The following ETFDH variants were observed in gnomAD, a reference collection of about 807,000 sequenced individuals.
ETFDH encodes electron transfer flavoprotein-ubiquinone oxidoreductase, mitochondrial.
Under a neutral mutation model 73.2 loss-of-function variants are expected in ETFDH, and 61 were observed. That is an observed-to-expected ratio of 0.83 (90% CI 0.68 to 1.03). The LOEUF (loss-of-function observed/expected upper bound fraction) is 1.03. ETFDH is among the 50% of genes least tolerant of loss of function. The probability of loss-of-function intolerance (pLI) is 0.00; values close to 1 mark genes in which losing one functional copy is unlikely to be tolerated. For synonymous variants in ETFDH, 243 were observed against 253.3 expected (o/e 0.96, Z 0.39); for missense variants, 685 against 745.0 (o/e 0.92, Z 0.94).
Position 158,706,711 on chromosome 4 carries a change from C to T in ETFDH, c.1551C>T (p.Asp517=). ...AACCCGATGGACAGATCAGTTTTGA[C>T]CTCTTGTCATCTGTGGCTCTGAGTG... is the stretch of plus-strand genomic sequence containing the variant. ...YPKPDGQISF[D]LLSSVALSGT... is the part of the protein sequence containing the mutation. The change falls in exon 12 of 13, where the codon GAC becomes GAT. Residue 517 remains aspartate, a synonymous_variant. Coordinates refer to ENST00000511912, the MANE Select transcript of ETFDH (RefSeq NM_004453.4). The T allele has an allele frequency of 1.9e-6, 3 of 1,614,004 alleles. No individual in the cohort carries two copies. The highest frequency in any genetic ancestry group is 2.5e-6 in the Non-Finnish European group (3 of 1,179,898).
chr4:158,684,546 T>G, intron 3 of ETFDH, 46 bp from the exon 4 acceptor site: 1 of 1,091,232 alleles, frequency 9.2e-7, no homozygotes, highest in Non-Finnish European at 1.4e-6. Context: ...TATTTACACT[T>G]GCAAATATAA....
At chr4:158,703,142 ATT>A (rs1423982670) in intron 9 of ETFDH, among the ~76,000 whole-genome samples, 4 of 152,316 alleles carry the variant, frequency 2.6e-5, no homozygotes, top group Non-Finnish European at 1.5e-5. Flanking sequence ...TTTAAAACAT[ATT>A]GATGCTTCAG....
rs1580420539 is a variant in ETFDH at position 158,704,297 on chromosome 4, A to T, written c.1285+706A>T. 2.6e-5 allele frequency among the ~76,000 whole-genome samples: 4 copies of T among 152,240 alleles called. No individual in the cohort carries two copies. The East Asian group carries it at 7.7e-4, about 29-fold the overall frequency. Reference sequence around the variant, plus strand: ...ATTCTTTAGCAAGCTTTGTAAGTATAGGCCTATGACTCTTCTGCTGTGGTG... The same window carrying T: ...ATTCTTTAGCAAGCTTTGTAAGTATTGGCCTATGACTCTTCTGCTGTGGTG... On this transcript the variant is annotated intron_variant, in intron 10 of 12. Transcript: ENST00000511912.
At chr4:158,694,685 CACTA>C (rs1188744559) in intron 6 of ETFDH, among the ~76,000 whole-genome samples, 1 of 152,042 alleles carries the variant, frequency 6.6e-6, no homozygotes, top group African/African-American at 2.4e-5. Flanking sequence ...TTATATCTGT[CACTA>C]ACTGTACTAT....
At chr4:158,695,348 A>G (rs137965191) in intron 6 of ETFDH, 149 bp from the exon 7 acceptor site, 5 of 565,462 alleles carry the variant, frequency 8.8e-6, no homozygotes, top group African/African-American at 5.7e-5. Context: ...GATTCTATAT[A>G]TTATATATTT....
chr4:158,698,880 G>T, intron 8 of ETFDH, 107 bp from the exon 9 acceptor site: 2 of 779,656 alleles, frequency 2.6e-6, no homozygotes. Flanking sequence ...ATACTTTTGA[G>T]TAAAAGAAAT....
chr4:158,690,572 T>C, intron 6 of ETFDH, 147 bp downstream of exon 6: 1 of 683,306 alleles, frequency 1.5e-6, no homozygotes. Context: ...CTAGCTACTT[T>C]GGAGGCTGAA....
Position 158,706,645 on chromosome 4 carries a change from G to C in ETFDH, c.1485G>C (p.Arg495=), listed in dbSNP as rs767675686. ...TTGTTGAAGGTTCTGACTTTGAACG[G>C]CTCAAGCCAGCCAAGGATTGCACAC... The part of the protein sequence containing the change: ...TLKHKGSDFE[R]LKPAKDCTPI... Residue 495 remains arginine (R), a synonymous_variant, in exon 12 of 13, where the codon CGG becomes CGC. Coordinates refer to ENST00000511912, the MANE Select transcript of ETFDH (RefSeq NM_004453.4). 6.2e-7 allele frequency: 1 copy of C among 1,613,726 alleles called. No individual in the cohort carries two copies. Among genetic ancestry groups the C allele is most frequent in the Non-Finnish European group, 8.5e-7 (1 of 1,179,678 alleles).
chr4:158,697,241 T>A (rs139695862), intron 7 of ETFDH, among the ~76,000 whole-genome samples: 1 of 152,018 alleles, frequency 6.6e-6, no homozygotes, highest in Non-Finnish European at 1.5e-5. Flanking sequence ...ATTACAGGCA[T>A]CCGCCACCAT....
At chr4:158,678,363 C>G (rs971615823) in intron 1 of ETFDH, among the ~76,000 whole-genome samples, 3 of 152,100 alleles carry the variant, frequency 2.0e-5, no homozygotes, top group African/African-American at 7.2e-5. Flanking sequence ...CTGAGTTTGT[C>G]TGATCATTTC....
intron 5 of ETFDH, among the ~76,000 whole-genome samples, chr4:158,689,721 A>G (rs1239081079): frequency 6.8e-6 from 1 of 146,536 alleles, no homozygotes; most frequent in Admixed American, 7.0e-5. Flanking sequence ...TCTGCTGTGT[A>G]ATTGCATTGT....
At chr4:158,695,949 G>A (rs1262898878) in intron 7 of ETFDH, among the ~76,000 whole-genome samples, 1 of 152,100 alleles carries the variant, frequency 6.6e-6, no homozygotes, top group African/African-American at 2.4e-5. Flanking sequence ...CATCTGCCCT[G>A]TTAGGATTGT....
intron 2 of ETFDH, 46 bp from the exon 3 acceptor site, chr4:158,682,149 T>C: frequency 6.2e-7 from 1 of 1,611,502 alleles, no homozygotes; most frequent in Non-Finnish European, 8.5e-7. Flanking sequence ...TGATTTATCA[T>C]GTGATTATTG....
chr4:158,683,571 C>G (rs1290497409), intron 3 of ETFDH, among the ~76,000 whole-genome samples: 1 of 151,934 alleles, frequency 6.6e-6, no homozygotes, highest in Non-Finnish European at 1.5e-5. Context: ...ATGTTAAAGC[C>G]CTTTATTGCT....
intron 6 of ETFDH, among the ~76,000 whole-genome samples, chr4:158,693,669 A>G (rs1217059239): frequency 2.6e-5 from 4 of 152,214 alleles, no homozygotes; most frequent in Non-Finnish European, 5.9e-5. Flanking sequence ...AATCTAAGAG[A>G]TGACAGTTAA....
intron 12 of ETFDH, among the ~76,000 whole-genome samples, chr4:158,708,139 T>G (rs996883152): frequency 6.6e-6 from 1 of 152,212 alleles, no homozygotes; most frequent in Non-Finnish European, 1.5e-5. Context: ...GTACCCTTGA[T>G]AGTGAGACAA....
chr4:158,706,751 C>T lies in ETFDH; in HGVS notation c.1591C>T (p.His531Tyr), dbSNP rs761849257. ...SVALSGTNHE[H>Y]DQPAHLTLRD... Reference sequence around the variant, plus strand: ...GGCTCTGAGTGGTACTAATCATGAACATGACCAGCCGGCACACTTAACCTT... The same window carrying T: ...GGCTCTGAGTGGTACTAATCATGAATATGACCAGCCGGCACACTTAACCTT... Residue 531 changes from histidine to tyrosine, a missense_variant, in exon 12 of 13, where the codon CAT (histidine) becomes TAT (tyrosine). Transcript: ENST00000511912. 1.9e-6 allele frequency: 3 copies of T among 1,613,666 alleles called. No homozygotes were observed. The highest frequency in any genetic ancestry group is 3.3e-5 in the Admixed American group (2 of 59,992).
At chr4:158,700,987 TCTAA>T (rs1774448310) in intron 9 of ETFDH, 2 of 152,270 alleles carry the variant, frequency 1.3e-5, no homozygotes, top group South Asian at 4.2e-4. Context: ...ACAAATACTG[TCTAA>T]CTTTTTTCTC....
chr4:158,680,769 G>A (rs370377632), intron 2 of ETFDH, among the ~76,000 whole-genome samples, 162 bp downstream of exon 2: 3 of 152,180 alleles, frequency 2.0e-5, no homozygotes, highest in Admixed American at 6.5e-5. Context: ...TCAACAACAC[G>A]ACAATTATAA....
Sources: allele counts gnomAD v4.1 joint callset (sites outside exome capture counted in the v4.1 genomes callset), GRCh38; gene constraint gnomAD v4.1.1; transcripts MANE v1.5; gene names NCBI Gene and HGNC (gene_info 2026-07-23, HGNC 2026-07-21).